The following CDH13 variants were observed in gnomAD, a reference collection of about 807,000 sequenced individuals.
CDH13 encodes the protein cadherin 13.
CDH13 carries 24 observed loss-of-function variants against 63.8 expected under a neutral mutation model. The observed-to-expected ratio is 0.38, with a 90% CI of 0.27 to 0.53. CDH13 has a LOEUF of 0.53. CDH13 is among the 20% of genes least tolerant of loss of function. CDH13 has a pLI of 0.85. For synonymous variants in CDH13, 503 were observed against 355.3 expected (o/e 1.42, Z -4.67); for missense variants, 1,049 against 903.1 (o/e 1.16, Z -2.07).
At chr16:83,235,057 T>A (rs779439215) in intron 5 of CDH13, among the ~76,000 whole-genome samples, 3 of 151,954 alleles carry the variant, frequency 2.0e-5, no homozygotes, top group Non-Finnish European at 4.4e-5. Flanking sequence ...ATAAATAAAT[T>A]AGCACGGTGT....
chr16:83,668,555 G>A (rs112408919), intron 8 of CDH13, among the ~76,000 whole-genome samples: 1 of 152,326 alleles, frequency 6.6e-6, no homozygotes, highest in African/African-American at 2.4e-5. Context: ...ACAAGGACGG[G>A]TTATGAGCTG....
chr16:83,387,963 G>A (rs1597895546), intron 6 of CDH13, among the ~76,000 whole-genome samples: 1 of 152,200 alleles, frequency 6.6e-6, no homozygotes. Context: ...TTCTCTGTTG[G>A]CAAGAATTAC....
intron 1 of CDH13, among the ~76,000 whole-genome samples, chr16:82,666,857 A>G (rs1425410386): frequency 6.6e-6 from 1 of 152,190 alleles, no homozygotes; most frequent in Non-Finnish European, 1.5e-5. Flanking sequence ...AAACGATGCT[A>G]TGCCACATCT....
intron 1 of CDH13, among the ~76,000 whole-genome samples, chr16:82,785,830 C>A (rs1298226895): frequency 6.6e-6 from 1 of 152,144 alleles, no homozygotes; most frequent in Non-Finnish European, 1.5e-5. Context: ...ATTTTTAATT[C>A]TCAGCAAGGC....
intron 1 of CDH13, among the ~76,000 whole-genome samples, chr16:82,670,936 A>G (rs1035061144): frequency 2.0e-5 from 3 of 152,142 alleles, no homozygotes; most frequent in Non-Finnish European, 2.9e-5. Flanking sequence ...GCTTCTCTGT[A>G]TTTCCTATCA....
At chr16:83,380,928 C>T (rs2091555512) in intron 6 of CDH13, among the ~76,000 whole-genome samples, 1 of 151,890 alleles carries the variant, frequency 6.6e-6, no homozygotes, top group African/African-American at 2.4e-5. Context: ...ATCCTCACTG[C>T]CCTCCCTCCC....
intron 8 of CDH13, among the ~76,000 whole-genome samples, chr16:83,621,102 A>G (rs1325035818): frequency 6.6e-6 from 1 of 152,068 alleles, no homozygotes; most frequent in Non-Finnish European, 1.5e-5. Flanking sequence ...GGGTATGGAG[A>G]TGAAGGCTCC....
At chr16:82,972,462 A>G (rs1908901011) in intron 2 of CDH13, among the ~76,000 whole-genome samples, 1 of 152,202 alleles carries the variant, frequency 6.6e-6, no homozygotes, top group African/African-American at 2.4e-5. Context: ...GCCGAAAAAC[A>G]TACTGCATTA....
chr16:82,834,775 G>C (rs78670308), intron 1 of CDH13, among the ~76,000 whole-genome samples: 1,727 of 152,266 alleles, frequency 0.011, 28 homozygotes, highest in African/African-American at 0.032. Flanking sequence ...TCTGGAAAGG[G>C]GTCTGCAAAC....
At chr16:83,310,086 G>A (rs549802715) in intron 5 of CDH13, among the ~76,000 whole-genome samples, 4 of 152,298 alleles carry the variant, frequency 2.6e-5, no homozygotes, top group East Asian at 3.9e-4. Context: ...CCTTATGAAA[G>A]ATAGACTATT....
chr16:82,781,305 G>GCAGACC (rs1456586869), intron 1 of CDH13, among the ~76,000 whole-genome samples: 1 of 152,152 alleles, frequency 6.6e-6, no homozygotes, highest in East Asian at 1.9e-4. Context: ...TTAGGGAAAT[G>GCAGACC]CAGACCACAA....
chr16:83,398,152 A>T (rs1225987121), intron 6 of CDH13: 1 of 130,368 alleles, frequency 7.7e-6, no homozygotes, highest in Non-Finnish European at 1.7e-5. Context: ...TTTCTAACTC[A>T]GTTAGGTATA....
At chr16:82,652,284 G>T (rs1421599910) in intron 1 of CDH13, among the ~76,000 whole-genome samples, 2 of 152,328 alleles carry the variant, frequency 1.3e-5, no homozygotes, top group South Asian at 4.1e-4. Flanking sequence ...CAGGAAAATA[G>T]CTGGTCCTTG....
At chr16:83,593,356 G>A (rs1745740759) in intron 7 of CDH13, among the ~76,000 whole-genome samples, 1 of 152,206 alleles carries the variant, frequency 6.6e-6, no homozygotes, top group African/African-American at 2.4e-5. Flanking sequence ...AGAGCAGCAT[G>A]TGTGTGCTGG....
At chr16:83,412,546 G>A (rs1369412568) in intron 6 of CDH13, among the ~76,000 whole-genome samples, 1 of 152,238 alleles carries the variant, frequency 6.6e-6, no homozygotes, top group African/African-American at 2.4e-5. Context: ...CCCCACCTTA[G>A]TGATACTGAT....
chr16:82,769,690 T>C (rs1159473866), intron 1 of CDH13, among the ~76,000 whole-genome samples: 1 of 152,214 alleles, frequency 6.6e-6, no homozygotes, highest in Non-Finnish European at 1.5e-5. Context: ...AGATTTTACT[T>C]TATGTTTGCA....
At chr16:82,894,541 C>G (rs543871754) in intron 2 of CDH13, among the ~76,000 whole-genome samples, 5 of 152,270 alleles carry the variant, frequency 3.3e-5, no homozygotes, top group African/African-American at 1.2e-4. Context: ...ACTTGGGAGG[C>G]TGAGGCAAGA....
chr16:82,950,351 A>G (rs1905164778), intron 2 of CDH13, among the ~76,000 whole-genome samples: 1 of 151,902 alleles, frequency 6.6e-6, no homozygotes. Flanking sequence ...AGGACGTGGT[A>G]TGGTTTGGCT....
chr16:82,947,003 C>CGT (rs1904796282), intron 2 of CDH13, among the ~76,000 whole-genome samples: 1 of 91,232 alleles, frequency 1.1e-5, no homozygotes, highest in Non-Finnish European at 2.3e-5. Flanking sequence ...AGTGCGCACG[C>CGT]CTGTGTGTGT....
Sources: allele counts gnomAD v4.1 joint callset (sites outside exome capture counted in the v4.1 genomes callset), GRCh38; gene constraint gnomAD v4.1.1; transcripts MANE v1.5; gene names NCBI Gene and HGNC (gene_info 2026-07-23, HGNC 2026-07-21).